Variants in JAKMIP1 observed in about 807,000 individuals in gnomAD.
JAKMIP1 encodes the protein janus kinase and microtubule-interacting protein 1.
Under a neutral mutation model 113.0 loss-of-function variants are expected in JAKMIP1, and 33 were observed. The ratio of observed to expected loss-of-function variants is 0.29; its 90% CI spans 0.22 to 0.39. The LOEUF (loss-of-function observed/expected upper bound fraction) is 0.39, where lower values mean the gene tolerates loss of function less well. Ranked by LOEUF, JAKMIP1 falls within the 10% of genes least tolerant of loss-of-function variation. The pLI, the probability that JAKMIP1 is intolerant of heterozygous loss-of-function variation, is 1.00. For missense variants in JAKMIP1, 813 were observed against 1,080.5 expected (o/e 0.75, Z 3.47); for synonymous variants, 480 against 459.9 (o/e 1.04, Z -0.56).
At chr4:6,083,492 CTG>C (rs973164024) in intron 5 of JAKMIP1, among the ~76,000 whole-genome samples, 1 of 151,752 alleles carries the variant, frequency 6.6e-6, no homozygotes, top group African/African-American at 2.4e-5. Context: ...TTCCAGAAGC[CTG>C]TGTTTTTTCC....
intron 1 of JAKMIP1, among the ~76,000 whole-genome samples, chr4:6,175,378 G>C (rs776015591): frequency 2.6e-4 from 39 of 152,298 alleles, no homozygotes; most frequent in Non-Finnish European, 4.4e-4. Flanking sequence ...TCTGGACAAA[G>C]CCTGAAAGAA....
rs1719975458 is a variant in JAKMIP1 at position 6,140,497 on chromosome 4, A to C, written c.-147-27500T>G. Among the ~76,000 whole-genome samples, 1 of 152,072 alleles carries C rather than the reference A, an allele frequency of 6.6e-6. No homozygotes were observed. The highest frequency in any genetic ancestry group is 1.5e-5 in the Non-Finnish European group (1 of 68,022). On this transcript the variant is annotated intron_variant, in intron 1 of 20. Transcript: ENST00000409021. This position sits in a 1 kb window ranked among gnomAD's most constrained non-coding sequence, Gnocchi z 9.4. The stretch of plus-strand genomic sequence containing the variant: ...TCAGTGATTCGTGGTCCCCCCGATC[A>C]GCTTAAGGCCCCTTCCAATAATGTG...
In JAKMIP1 at chr4:6,156,925, T is replaced by C. The variant is rs188427199; in HGVS notation, c.-148+43328A>G. On this transcript the variant is annotated intron_variant, in intron 1 of 20. Transcript: ENST00000409021. This position sits in a 1 kb window ranked among gnomAD's most constrained non-coding sequence, Gnocchi z 5.0. ...CCTGAATTTTCTATAACAAGTTCCA[T>C]GGCTAGTGGTTTGAATGCGTCCCTC... Among the ~76,000 whole-genome samples, 192 of 152,334 alleles carry C rather than the reference T, an allele frequency of 1.3e-3. 1 individual carries two copies. The highest frequency in any genetic ancestry group is 4.2e-3 in the African/African-American group (174 of 41,586).
At chr4:6,074,701 G>A (rs1015750137) in intron 8 of JAKMIP1, among the ~76,000 whole-genome samples, 3 of 152,180 alleles carry the variant, frequency 2.0e-5, no homozygotes, top group Non-Finnish European at 4.4e-5. Flanking sequence ...CTAATACAGT[G>A]CAGATGCCCT....
At chr4:6,107,286 C>G (rs745369382) in intron 2 of JAKMIP1, among the ~76,000 whole-genome samples, 5 of 152,152 alleles carry the variant, frequency 3.3e-5, no homozygotes, top group Non-Finnish European at 7.3e-5. Flanking sequence ...CTGGTTAATG[C>G]CGACAGCCAT....
intron 1 of JAKMIP1, among the ~76,000 whole-genome samples, chr4:6,126,772 C>A (rs1164738943): frequency 2.6e-5 from 4 of 151,570 alleles, no homozygotes; most frequent in Non-Finnish European, 5.9e-5. Context: ...TGCGCCCCCC[C>A]ACACCCATAC....
Position 6,183,403 on chromosome 4 carries a change from T to G in JAKMIP1, c.-148+16850A>C, listed in dbSNP as rs1726267074. Among the ~76,000 whole-genome samples, 1 of 151,366 alleles carries G rather than the reference T, an allele frequency of 6.6e-6. No individual in the cohort carries two copies. The highest frequency in any genetic ancestry group is 2.4e-5 in the African/African-American group (1 of 41,180). On this transcript the variant is annotated intron_variant, in intron 1 of 20. Transcript: ENST00000409021. This position sits in a 1 kb window ranked among gnomAD's most constrained non-coding sequence, Gnocchi z 5.3. ...CCGAGGCAGGAGAGTCGCTTGAACC[T>G]GGGAGGCAGAGGTTACAGTGAGCCA...
At chr4:6,056,875 A>C in intron 11 of JAKMIP1, 116 bp from the exon 12 acceptor site, 3 of 776,046 alleles carry the variant, frequency 3.9e-6, no homozygotes, top group Non-Finnish European at 6.8e-6. Flanking sequence ...GGTCATAAAA[A>C]ATGACAGCCG....
rs868483436 is a variant in JAKMIP1 at position 6,093,804 on chromosome 4, C to T, written c.625-8175G>A. ...CCTCAAAGAAGGAGCCAGGTTTGCC[C>T]GTGGTAGGAGTCGGTGGGGAACAAG... On this transcript the variant is annotated intron_variant, in intron 3 of 20. Transcript: ENST00000409021. This position sits in a 1 kb window ranked among gnomAD's most constrained non-coding sequence, Gnocchi z 4.6. Among the ~76,000 whole-genome samples the T allele has an allele frequency of 2.6e-5, 4 of 152,266 alleles. No individual in the cohort carries two copies. The Middle Eastern group carries it at 0.01, about 388-fold the overall frequency.
At chr4:6,165,873 C>T (rs981409633) in intron 1 of JAKMIP1, among the ~76,000 whole-genome samples, 37 of 152,134 alleles carry the variant, frequency 2.4e-4, no homozygotes, top group Admixed American at 2.4e-3. Flanking sequence ...AGTCAAAATT[C>T]CTTATCACTG....
chr4:6,192,468 C>A lies in JAKMIP1; in HGVS notation c.-148+7785G>T, dbSNP rs1727382289. On this transcript the variant is annotated intron_variant, in intron 1 of 20. Transcript: ENST00000409021. The surrounding 1 kb of genome is among the most constrained non-coding windows in gnomAD (Gnocchi z 5.0). ...AGCACCGGCTGACAAACACCCACTG[C>A]ACGCAGACGCCACTGAGCCTGTTTT... is the stretch of plus-strand genomic sequence containing the variant. Among the ~76,000 whole-genome samples the A allele has an allele frequency of 6.6e-6, 1 of 152,176 alleles. No homozygotes were observed.
intron 9 of JAKMIP1, 148 bp from the exon 10 acceptor site, chr4:6,062,588 A>T (rs965071533): frequency 7.2e-6 from 6 of 837,132 alleles, no homozygotes; most frequent in East Asian, 5.5e-5. Context: ...ACCACATCTC[A>T]CAGTGCTGCC....
At position 6,184,385 on chromosome 4, in the gene JAKMIP1, A is replaced by G. The variant is rs1188888897; in HGVS notation, c.-148+15868T>C. Among the ~76,000 whole-genome samples, 2 of 152,182 alleles carry G rather than the reference A, an allele frequency of 1.3e-5. No homozygotes were observed. Among genetic ancestry groups the G allele is most frequent in the African/African-American group, 4.8e-5 (2 of 41,444 alleles). ...TACTCCCAGCCCACTGCTGGTTTTC[A>G]GACTCTGCCGCCTTCCCTCCTTTCC... On this transcript the variant is annotated intron_variant, in intron 1 of 20. Transcript: ENST00000409021. This position sits in a 1 kb window ranked among gnomAD's most constrained non-coding sequence, Gnocchi z 4.5.
In JAKMIP1 at chr4:6,140,887, A is replaced by G. The variant is rs4689344; in HGVS notation, c.-147-27890T>C. Among the ~76,000 whole-genome samples, 13,213 of 152,186 alleles carry G rather than the reference A, an allele frequency of 0.087. 923 individuals carry two copies. The highest frequency in any genetic ancestry group is 0.2 in the East Asian group (1,023 of 5,170). Reference sequence around the variant, plus strand: ...CTGTCCTCAGCACAGTGCCTGGTGTATGGTAGACACTGGAGAATGGTGGGA... The same window carrying G: ...CTGTCCTCAGCACAGTGCCTGGTGTGTGGTAGACACTGGAGAATGGTGGGA... On this transcript the variant is annotated intron_variant, in intron 1 of 20. Transcript: ENST00000409021. This position sits in a 1 kb window ranked among gnomAD's most constrained non-coding sequence, Gnocchi z 9.4.
chr4:6,161,186 CCT>C (rs1236178834), intron 1 of JAKMIP1, among the ~76,000 whole-genome samples: 1 of 148,760 alleles, frequency 6.7e-6, no homozygotes, highest in African/African-American at 2.5e-5. Context: ...ACTCACCTCC[CCT>C]GATCTCCACT....
chr4:6,029,329 A>G (rs1313109623), intron 20 of JAKMIP1, among the ~76,000 whole-genome samples: 1 of 152,214 alleles, frequency 6.6e-6, no homozygotes, highest in Non-Finnish European at 1.5e-5. Context: ...GGCTCATAGA[A>G]GGTATTTAAA....
In JAKMIP1 at chr4:6,042,455, G is replaced by T. The variant is rs756333961; in HGVS notation, c.2029-228C>A. Reference sequence around the variant, plus strand: ...TTAGGTGTGAGTGTGACATGTACGTGGTGTGGAAGCTGGATTCAGAGCCTG... The same window carrying T: ...TTAGGTGTGAGTGTGACATGTACGTTGTGTGGAAGCTGGATTCAGAGCCTG... On this transcript the variant is annotated intron_variant, in intron 16 of 20. Transcript: ENST00000409021. This position sits in a 1 kb window ranked among gnomAD's most constrained non-coding sequence, Gnocchi z 5.2. 9.2e-5 allele frequency among the ~76,000 whole-genome samples: 14 copies of T among 152,074 alleles called. No individual in the cohort carries two copies. The highest frequency in any genetic ancestry group is 1.8e-4 in the Non-Finnish European group (12 of 68,010).
chr4:6,045,985 TG>T (rs1435431419), intron 16 of JAKMIP1, among the ~76,000 whole-genome samples: 1 of 152,226 alleles, frequency 6.6e-6, no homozygotes, highest in Non-Finnish European at 1.5e-5. Context: ...AGGGGTTAAC[TG>T]GGGCCTGTCA....
chr4:6,082,722 G>T (rs1720761588), intron 5 of JAKMIP1, among the ~76,000 whole-genome samples: 1 of 152,054 alleles, frequency 6.6e-6, no homozygotes, highest in African/African-American at 2.4e-5. Context: ...AGCTGGGCTG[G>T]AACTCCTGAG....
Sources: allele counts gnomAD v4.1 joint callset (sites outside exome capture counted in the v4.1 genomes callset), GRCh38; gene constraint gnomAD v4.1.1; non-coding constraint Gnocchi (gnomAD v3.1); transcripts MANE v1.5; gene names NCBI Gene and HGNC (gene_info 2026-07-23, HGNC 2026-07-21).